Variants in ARVCF observed in about 807,000 individuals in gnomAD.
ARVCF encodes the protein ARVCF delta catenin family member.
Under a neutral mutation model 90.9 loss-of-function variants are expected in ARVCF, and 66 were observed. The ratio of observed to expected loss-of-function variants is 0.73; its 90% confidence interval spans 0.60 to 0.89. ARVCF has a LOEUF of 0.89. Among genes scored for constraint, ARVCF ranks in the 40% least tolerant of loss-of-function variants. The pLI is 0.00. For synonymous variants in ARVCF, 653 were observed against 603.4 expected, an observed-to-expected ratio of 1.08 and a Z score of -1.21; for missense variants, 1,469 against 1,382.3, an observed-to-expected ratio of 1.06 and a Z score of -1.00.
intron 1 of ARVCF, among the ~76,000 whole-genome samples, chr22:20,014,290 G>T (rs1944944325): frequency 6.6e-6 from 1 of 152,072 alleles, no homozygotes; most frequent in African/African-American, 2.4e-5. Flanking sequence ...CACCTCCCCG[G>T]TTCAAGCGAT....
intron 3 of ARVCF, among the ~76,000 whole-genome samples, chr22:19,984,592 C>T (rs58404178): frequency 0.018 from 2,782 of 152,296 alleles, 71 homozygotes; most frequent in African/African-American, 0.052. Flanking sequence ...ATACATGACC[C>T]CTCAGACAGG....
intron 3 of ARVCF, among the ~76,000 whole-genome samples, chr22:19,985,924 G>A (rs1175625271): frequency 6.6e-6 from 1 of 152,214 alleles, no homozygotes; most frequent in Admixed American, 6.5e-5. Flanking sequence ...GGCCCTCCCA[G>A]GTAGAGTCCA....
chr22:19,968,767 T>C (rs1365289535), downstream of ARVCF: 1 of 1,592,928 alleles, frequency 6.3e-7, no homozygotes, highest in African/African-American at 1.3e-5. Context: ...TCGGGCTCTC[T>C]CACCCAGCCT....
intron 1 of ARVCF, among the ~76,000 whole-genome samples, chr22:20,012,570 C>A (rs941651902): frequency 6.6e-6 from 1 of 152,252 alleles, no homozygotes; most frequent in Non-Finnish European, 1.5e-5. Context: ...CAGTACCAGC[C>A]GCCTCAAAGC....
intron 2 of ARVCF, among the ~76,000 whole-genome samples, chr22:20,008,905 T>A (rs1010307667): frequency 6.6e-6 from 1 of 150,540 alleles, no homozygotes. Flanking sequence ...CAGAGAAACA[T>A]AGAGAAGACC....
At chr22:19,988,710 G>A (rs1943913408) in intron 3 of ARVCF, among the ~76,000 whole-genome samples, 1 of 152,234 alleles carries the variant, frequency 6.6e-6, no homozygotes, top group African/African-American at 2.4e-5. Context: ...AGATCGCTAG[G>A]CACTTCCTAC....
rs1388793628 is a variant in ARVCF, at chr22:19,970,700, C to A, written c.*56G>T. ...GCACGATCTGCTCAGGGTGGCCCTT[C>A]TTCCACGATCCAAGCCCTAAGAACA... is the stretch of plus-strand genomic sequence containing the variant. On this transcript the variant is annotated 3_prime_UTR_variant, in exon 20 of 20. Coordinates refer to ENST00000263207, the MANE Select transcript of ARVCF (RefSeq NM_001670.3). The A allele has an allele frequency of 3.9e-6, 5 of 1,289,606 alleles. No homozygotes were observed. The highest frequency in any genetic ancestry group is 5.1e-6 in the Non-Finnish European group (5 of 988,890). 79.9% of individuals were successfully genotyped at this position (1,289,606 alleles called of 1,614,324 possible).
chr22:20,008,907 G>C (rs116882829), intron 2 of ARVCF, among the ~76,000 whole-genome samples: 1 of 152,182 alleles, frequency 6.6e-6, no homozygotes, highest in Non-Finnish European at 1.5e-5. Context: ...GAGAAACATA[G>C]AGAAGACCAA....
intron 2 of ARVCF, among the ~76,000 whole-genome samples, chr22:19,991,959 C>T (rs1396504942): frequency 1.3e-5 from 2 of 152,240 alleles, no homozygotes; most frequent in Non-Finnish European, 2.9e-5. Flanking sequence ...CAATATAGGG[C>T]CCTCCACGGG....
Position 19,971,218 on chromosome 22 carries a change from G to A in ARVCF, c.*10C>T, listed in dbSNP as rs745824693. 1 of 1,552,646 alleles carries A rather than the reference G, an allele frequency of 6.4e-7. No homozygotes were observed. Among genetic ancestry groups the A allele is most frequent in the Non-Finnish European group, 8.7e-7 (1 of 1,147,410 alleles). On this transcript the variant is annotated splice_region_variant and 3_prime_UTR_variant, in exon 19 of 20. Transcript: ENST00000263207. Reference sequence around the variant, plus strand: ...AACAACCAGATGAGAGAACGTACCAGGCATGCAAGCTAGACCCAGGAATCA... The same window carrying A: ...AACAACCAGATGAGAGAACGTACCAAGCATGCAAGCTAGACCCAGGAATCA...
rs201916620 is a variant in ARVCF, at chr22:19,979,091, C to A, written c.1397-11G>T. ...GGTTCCACAGGGTGCCTGTGGGGTG[C>A]GATTGGCCAATCTGTGCTGACCATA... On this transcript the variant is annotated splice_polypyrimidine_tract_variant and intron_variant, in intron 6 of 19. Coordinates refer to ENST00000263207, the MANE Select transcript of ARVCF (RefSeq NM_001670.3). The A allele has an allele frequency of 6.2e-7, 1 of 1,608,418 alleles. No homozygotes were observed. The highest frequency in any genetic ancestry group is 2.2e-5 in the East Asian group (1 of 44,744).
intron 2 of ARVCF, among the ~76,000 whole-genome samples, chr22:19,991,095 G>A (rs553094668): frequency 1.3e-5 from 2 of 152,374 alleles, no homozygotes; most frequent in African/African-American, 2.4e-5. Flanking sequence ...CTTGGAGCCC[G>A]CTGGGAAGGG....
At chr22:19,967,093 CT>C (rs1270505821), downstream of ARVCF, 1 of 1,246,474 alleles carries the variant, frequency 8.0e-7, no homozygotes, top group African/African-American at 1.6e-5. Flanking sequence ...GAGTGGGCCC[CT>C]GGCAGCCTCC....
intron 19 of ARVCF, 122 bp downstream of exon 19, chr22:19,971,094 G>A: frequency 6.7e-7 from 1 of 1,497,952 alleles, no homozygotes; most frequent in South Asian, 1.2e-5. Flanking sequence ...TGCTGGACTG[G>A]AGGCCAAAGT....
Position 19,973,284 on chromosome 22 carries a change from A to G in ARVCF, c.2273T>C (p.Val758Ala), listed in dbSNP as rs1942948977. 6.2e-7 allele frequency: 1 copy of G among 1,605,924 alleles called. No homozygotes were observed. Residue 758 changes from valine to alanine, a missense_variant, in exon 14 of 20, where the codon GTG (valine) becomes GCG (alanine). By Grantham distance (64) the Val-to-Ala change is moderately conservative (BLOSUM62 0). Transcript: ENST00000263207. ...TCGCGGCGGAGCCTGTGCATTGCGC[A>G]CATTCCGCACAAGCTCAGCCATGGC... Reference protein sequence around the residue: ...SYAMAELVRNVRNAQAPPRPG... With the variant: ...SYAMAELVRNARNAQAPPRPG...
chr22:19,972,689 G>A, intron 16 of ARVCF, 48 bp downstream of exon 16: 10 of 1,539,348 alleles, frequency 6.5e-6, no homozygotes, highest in Non-Finnish European at 8.7e-6. Flanking sequence ...AGGCAACTGG[G>A]GCAGCTGGGG....
intron 18 of ARVCF, among the ~76,000 whole-genome samples, chr22:19,971,630 G>C (rs151337009): frequency 6.6e-6 from 1 of 152,200 alleles, no homozygotes; most frequent in Non-Finnish European, 1.5e-5. Context: ...GCACAGAAGG[G>C]TGCACACACA....
rs1294995874 is a variant in ARVCF, at chr22:19,974,196, G to A, written c.2004C>T (p.Leu668=). The change falls in exon 12 of 20, where the codon CTC becomes CTT. Residue 668 remains leucine, a synonymous_variant. Transcript: ENST00000263207. ...LYQPEVVRLY[L]SLLTESRNFN... Reference sequence around the variant, plus strand: ...AGTTCCGGCTCTCCGTGAGGAGGGAGAGGTAGAGACGTACCACCTCGGGCT... The same window carrying A: ...AGTTCCGGCTCTCCGTGAGGAGGGAAAGGTAGAGACGTACCACCTCGGGCT... 2 of 1,612,874 alleles carry A rather than the reference G, an allele frequency of 1.2e-6. No homozygotes were observed. Among genetic ancestry groups the A allele is most frequent in the Non-Finnish European group, 1.7e-6 (2 of 1,179,826 alleles).
rs114219025 is a variant in ARVCF at position 19,972,396 on chromosome 22, C to A, written c.2657G>T (p.Gly886Val). 6.2e-6 allele frequency: 10 copies of A among 1,613,636 alleles called. No individual in the cohort carries two copies. The East Asian group carries it at 2.2e-4, about 36-fold the overall frequency. The change falls in exon 17 of 20, where the codon GGC becomes GTC. Residue 886 changes from glycine (G) to valine (V), a missense_variant. Physicochemically the swap from Gly to Val is moderately radical, Grantham distance 109. Transcript: ENST00000263207. ...ATCCATGGGGATCACATCCCGGCTGCCAGTTTTCTCGCCCTCTGCAAGGCA... is the reference window on the plus strand; with the variant it reads ...ATCCATGGGGATCACATCCCGGCTGACAGTTTTCTCGCCCTCTGCAAGGCA... ...VDKSLEGEKT[G>V]SRDVIPMDAL...
Sources: gnomAD v4.1 joint callset for allele counts (sites outside exome capture counted in the v4.1 genomes callset) on GRCh38, gnomAD v4.1.1 for gene constraint, MANE v1.5 for transcripts, NCBI Gene and HGNC (gene_info 2026-07-23, HGNC 2026-07-21) for gene names.